The following MAF variants were observed in gnomAD, a reference collection of about 807,000 sequenced individuals.
MAF encodes the protein transcription factor Maf.
In MAF, 10 loss-of-function variants were observed where a neutral mutation model predicts 22.0. The ratio of observed to expected loss-of-function variants is 0.45; its 90% CI spans 0.28 to 0.77. The LOEUF (loss-of-function observed/expected upper bound fraction) is 0.77. Ranked by LOEUF, MAF falls within the 30% of genes least tolerant of loss-of-function variation. The pLI is 0.12. For synonymous variants in MAF, 337 were observed against 255.8 expected, an observed-to-expected ratio of 1.32 and a Z score of -3.03; for missense variants, 544 against 548.4, an observed-to-expected ratio of 0.99 and a Z score of 0.08.
the MAF span, among the ~76,000 whole-genome samples, chr16:79,494,897 C>T: frequency 6.6e-6 from 1 of 152,222 alleles, no homozygotes; most frequent in South Asian, 2.1e-4. Context: ...GCTAGGGTGC[C>T]TCACAAAAAG....
intron 1 of MAF, 169 bp from the exon 2 acceptor site, chr16:79,594,722 AC>A: frequency 7.0e-7 from 1 of 1,429,558 alleles, no homozygotes; most frequent in South Asian, 1.5e-5. Context: ...GAAAAAAAAA[AC>A]ATGTATTTGT....
At chr16:79,373,770 G>T in the MAF span, among the ~76,000 whole-genome samples, 1 of 152,128 alleles carries the variant, frequency 6.6e-6, no homozygotes. Context: ...ACTCTGCAAA[G>T]TCCCAGCAGC....
chr16:79,348,749 G>T, the MAF span, among the ~76,000 whole-genome samples: 21 of 152,220 alleles, frequency 1.4e-4, no homozygotes, highest in Non-Finnish European at 2.6e-4. Flanking sequence ...GGAAATGACT[G>T]TGTTTTGAAA....
At chr16:79,549,261 A>G in the MAF span, among the ~76,000 whole-genome samples, 3 of 152,166 alleles carry the variant, frequency 2.0e-5, no homozygotes, top group African/African-American at 4.8e-5. Context: ...TGAGTGATAC[A>G]TCAGCTCATT....
the MAF span, among the ~76,000 whole-genome samples, chr16:79,321,370 C>T: frequency 2.0e-5 from 3 of 152,208 alleles, no homozygotes; most frequent in East Asian, 1.9e-4. Context: ...TTCAGATAAA[C>T]AGCAAGTAAT....
chr16:79,476,603 T>A, the MAF span, among the ~76,000 whole-genome samples: 1 of 152,210 alleles, frequency 6.6e-6, no homozygotes, highest in Non-Finnish European at 1.5e-5. Context: ...AGATTTTTCA[T>A]CTTCCAAATG....
At chr16:79,465,941 A>T in the MAF span, among the ~76,000 whole-genome samples, 8 of 152,332 alleles carry the variant, frequency 5.3e-5, no homozygotes, top group African/African-American at 1.7e-4. Flanking sequence ...CAAATATTAA[A>T]TCTTTTTGCA....
At chr16:79,411,920 A>C in the MAF span, among the ~76,000 whole-genome samples, 4 of 145,572 alleles carry the variant, frequency 2.7e-5, no homozygotes, top group Non-Finnish European at 4.5e-5. Flanking sequence ...GTCACCAGAG[A>C]GTTAGATGAG....
the MAF span, among the ~76,000 whole-genome samples, chr16:79,463,629 C>T: frequency 6.6e-6 from 1 of 152,144 alleles, no homozygotes; most frequent in Non-Finnish European, 1.5e-5. Flanking sequence ...TCAAGTCAAA[C>T]CCTGCTGGAC....
chr16:79,559,727 T>C, the MAF span, among the ~76,000 whole-genome samples: 1 of 152,194 alleles, frequency 6.6e-6, no homozygotes, highest in Admixed American at 6.5e-5. Context: ...AAATGAAAAA[T>C]GCTGATGATG....
At chr16:79,263,130 A>G in the MAF span, among the ~76,000 whole-genome samples, 1 of 152,192 alleles carries the variant, frequency 6.6e-6, no homozygotes, top group African/African-American at 2.4e-5. Context: ...AACTGGGACT[A>G]GGCAGTGAAC....
chr16:79,574,250 G>A, the MAF span, among the ~76,000 whole-genome samples: 1 of 152,168 alleles, frequency 6.6e-6, no homozygotes, highest in South Asian at 2.1e-4. Flanking sequence ...AAGTATCTTG[G>A]TTAATTCCAG....
the MAF span, among the ~76,000 whole-genome samples, chr16:79,431,154 A>G: frequency 2.0e-5 from 3 of 152,128 alleles, no homozygotes; most frequent in Non-Finnish European, 4.4e-5. Context: ...CTGGATTTCC[A>G]TCCTCACCCC....
At chr16:79,589,316 C>G (rs1262584877), downstream of MAF, among the ~76,000 whole-genome samples, 1 of 152,124 alleles carries the variant, frequency 6.6e-6, no homozygotes, top group Non-Finnish European at 1.5e-5. Context: ...GCTGTTGGAG[C>G]AATCCTCATA....
the MAF span, among the ~76,000 whole-genome samples, chr16:79,337,750 C>T: frequency 6.6e-6 from 1 of 152,172 alleles, no homozygotes; most frequent in African/African-American, 2.4e-5. Flanking sequence ...ATCTCTTTCT[C>T]AGCATAGTGG....
the MAF span, among the ~76,000 whole-genome samples, chr16:79,352,344 T>C: frequency 6.6e-6 from 1 of 152,128 alleles, no homozygotes; most frequent in African/African-American, 2.4e-5. Flanking sequence ...TCTGGGGCAC[T>C]TGGGTCTCCA....
the MAF span, among the ~76,000 whole-genome samples, chr16:79,288,758 C>G: frequency 1.3e-5 from 2 of 152,118 alleles, no homozygotes; most frequent in Non-Finnish European, 1.5e-5. Context: ...GAGATAGGGT[C>G]TCGCTGTGTC....
At chr16:79,518,860 G>A in the MAF span, among the ~76,000 whole-genome samples, 3 of 152,174 alleles carry the variant, frequency 2.0e-5, no homozygotes, top group Admixed American at 2.0e-4. Context: ...AGGAGGCGGA[G>A]GTTGCCATGA....
chr16:79,353,126 T>A, the MAF span, among the ~76,000 whole-genome samples: 1 of 110,404 alleles, frequency 9.1e-6, no homozygotes, highest in African/African-American at 7.6e-5. Context: ...CACCAGGAAT[T>A]TTTTTTTTTT....
Sources: gnomAD v4.1 joint callset for allele counts (sites outside exome capture counted in the v4.1 genomes callset) on GRCh38, gnomAD v4.1.1 for gene constraint, MANE v1.5 for transcripts, NCBI Gene and HGNC (gene_info 2026-07-23, HGNC 2026-07-21) for gene names.